Variants in CACNA1H observed in about 807,000 individuals in gnomAD.
The protein encoded by CACNA1H is voltage-dependent T-type calcium channel subunit alpha-1H.
In CACNA1H, 149 loss-of-function variants were observed where a neutral mutation model predicts 192.5. That is an observed-to-expected ratio of 0.77 (90% CI 0.68 to 0.89). The LOEUF is 0.89. Ranked by LOEUF, CACNA1H falls within the 40% of genes least tolerant of loss-of-function variation. The pLI, the probability that CACNA1H is intolerant of heterozygous loss-of-function variation, is 0.00. For synonymous variants in CACNA1H, 2,202 were observed against 1,475.2 expected, an observed-to-expected ratio of 1.49 and a Z score of -11.29; for missense variants, 4,257 against 3,423.5, an observed-to-expected ratio of 1.24 and a Z score of -6.08.
chr16:1,218,652 G>C lies in CACNA1H; in HGVS notation c.5887+1G>C, dbSNP rs1198881040. ...ACCTATGGGGCCGGCACCCCCTTGG[G>C]TATGGTAGCCAGCAGGAAGATATGG... On this transcript the variant is annotated splice_donor_variant, in intron 33 of 34. Coordinates refer to ENST00000348261, the MANE Select transcript of CACNA1H (RefSeq NM_021098.3). LOFTEE classifies it high-confidence loss of function. The C allele has an allele frequency of 6.6e-7, 1 of 1,504,730 alleles. No homozygotes were observed. Among genetic ancestry groups the C allele is most frequent in the Admixed American group, 2.0e-5 (1 of 49,472 alleles). 93.2% of individuals were successfully genotyped at this position (1,504,730 alleles called of 1,614,324 possible). A position where few individuals can be genotyped will look rare whatever the true frequency, so the allele number is the denominator to read the frequency against.
At chr16:1,156,216 G>A (rs974850210) in intron 2 of CACNA1H, among the ~76,000 whole-genome samples, 3 of 152,212 alleles carry the variant, frequency 2.0e-5, no homozygotes, top group African/African-American at 7.2e-5. Context: ...GTGATGGGGG[G>A]TGTCCCCACT....
At position 1,203,582 on chromosome 16, in the gene CACNA1H, G is replaced by A. The variant is rs984476023; in HGVS notation, c.2003-428G>A. ...CACGAACTAGTGGGTTTAGAACAGC[G>A]GAAAATCACTCAGCTCTGGAGGCCA... On this transcript the variant is annotated intron_variant, in intron 9 of 34. Transcript: ENST00000348261. Among the ~76,000 whole-genome samples, 7 of 152,130 alleles carry A rather than the reference G, an allele frequency of 4.6e-5. No homozygotes were observed. In the East Asian group the frequency reaches 7.7e-4, roughly 17 times the overall value.
rs780111233 is a variant in CACNA1H at position 1,216,919 on chromosome 16, C to G, written c.5245-13C>G. The G allele has an allele frequency of 6.3e-7, 1 of 1,596,194 alleles. No homozygotes were observed. The highest frequency in any genetic ancestry group is 1.3e-5 in the African/African-American group (1 of 74,704). On this transcript the variant is annotated splice_polypyrimidine_tract_variant and intron_variant, in intron 30 of 34. Transcript: ENST00000348261. ...CCGCCCGTCTGACCCAGCTCTGCTT[C>G]TCTCTTGTGTAGGTGGGGAACCTGG... is the stretch of plus-strand genomic sequence containing the variant.
At chr16:1,200,182 C>T (rs1432330652) in intron 6 of CACNA1H, 74 bp from the exon 7 acceptor site, 5 of 1,256,476 alleles carry the variant, frequency 4.0e-6, no homozygotes, top group Non-Finnish European at 5.5e-6. Flanking sequence ...CGTCCCTGAT[C>T]ACAATCGTGC....
intron 33 of CACNA1H, 24 bp downstream of exon 33, chr16:1,218,675 T>TGGGCTGG (rs1970233323): frequency 7.8e-7 from 1 of 1,284,276 alleles, no homozygotes; most frequent in Non-Finnish European, 1.0e-6. Flanking sequence ...CAGGAAGATA[T>TGGGCTGG]GGGCTGGGTG....
At chr16:1,199,789 GCCCTCACCCCAGGGCTGCCTCCTTT>G (rs1023699041) in intron 6 of CACNA1H, among the ~76,000 whole-genome samples, 3 of 150,704 alleles carry the variant, frequency 2.0e-5, no homozygotes, top group African/African-American at 4.9e-5. Context: ...GATCCTCTCA[GCCCTCACCCCAGGGCTGCCTCCTTT>G]CCCTCACCCC....
chr16:1,176,442 C>T (rs1964897476), intron 2 of CACNA1H, among the ~76,000 whole-genome samples: 1 of 152,212 alleles, frequency 6.6e-6, no homozygotes. Context: ...AGGGTCTCTG[C>T]ATGGACCCCA....
At chr16:1,186,863 C>T (rs11862531) in intron 2 of CACNA1H, among the ~76,000 whole-genome samples, 11,182 of 152,196 alleles carry the variant, frequency 0.073, 1,115 homozygotes, top group African/African-American at 0.23. Flanking sequence ...CAGGGCGGTC[C>T]GTCCCACTCC....
Position 1,218,059 on chromosome 16 carries a change from C to A in CACNA1H, c.5445+19C>A, listed in dbSNP as rs778344290. 6.3e-7 allele frequency: 1 copy of A among 1,592,166 alleles called. No homozygotes were observed. The highest frequency in any genetic ancestry group is 1.3e-5 in the African/African-American group (1 of 74,662). On this transcript the variant is annotated intron_variant, in intron 32 of 34. Coordinates refer to ENST00000348261, the MANE Select transcript of CACNA1H (RefSeq NM_021098.3). ...CATGAAGGTACCCGCCGCGGCCATG[C>A]CTCTGGCACCTGGCAGCCCCAGCGG...
chr16:1,221,562 C>T lies in CACNA1H; in HGVS notation c.*568C>T, dbSNP rs1435821832. 7 of 540,634 alleles carry T rather than the reference C, an allele frequency of 1.3e-5. No homozygotes were observed. The highest frequency in any genetic ancestry group is 7.2e-5 in the Admixed American group (2 of 27,626). The allele number at this position is 540,634 out of a possible 1,614,324, so 33.5% of individuals were successfully genotyped here. On this transcript the variant is annotated 3_prime_UTR_variant, in exon 35 of 35. Coordinates refer to ENST00000348261, the MANE Select transcript of CACNA1H (RefSeq NM_021098.3). ...GAGAGGTGACACCTCACTAAGGGGC[C>T]GACCCCATGGAGTAACGCGCCCGGC...
intron 2 of CACNA1H, among the ~76,000 whole-genome samples, chr16:1,177,021 C>A (rs940135678): frequency 6.6e-6 from 1 of 152,086 alleles, no homozygotes; most frequent in Non-Finnish European, 1.5e-5. Flanking sequence ...CTCACTCCCT[C>A]CCCCCAGGAG....
rs774549565 is a variant in CACNA1H, at chr16:1,200,342, A to C, written c.890A>C (p.Asn297Thr). ...NPFICSSRRD[N>T]GMQKCSHIPG... ...TTCATCTGCTCCTCACGCCGAGACA[A>C]CGGCATGCAGAAGTGCTCGCACATC... The change falls in exon 7 of 35, where the codon AAC becomes ACC. Residue 297 changes from asparagine (N) to threonine (T), a missense_variant. Physicochemically the swap from Asn to Thr is moderately conservative, Grantham distance 65. Coordinates refer to ENST00000348261, the MANE Select transcript of CACNA1H (RefSeq NM_021098.3). 3.1e-6 allele frequency: 5 copies of C among 1,602,820 alleles called. No homozygotes were observed. The highest frequency in any genetic ancestry group is 4.3e-6 in the Non-Finnish European group (5 of 1,175,444).
Position 1,204,037 on chromosome 16 carries a change from C to G in CACNA1H, c.2030C>G (p.Ser677Trp). Residue 677 changes from serine to tryptophan, a missense_variant, in exon 10 of 35, where the codon TCG (serine) becomes TGG (tryptophan). Transcript: ENST00000348261. ...CTGGGCCAGGCCCCTGGCCATCTGT[C>G]GGGCCTCAGTGTGCCCTGCCCCCTG... ...HGLGQAPGHLSGLSVPCPLPS... is the reference protein window; with the variant it reads ...HGLGQAPGHLWGLSVPCPLPS... 3 of 1,570,902 alleles carry G rather than the reference C, an allele frequency of 1.9e-6. No homozygotes were observed. The highest frequency in any genetic ancestry group is 2.4e-5 in the East Asian group (1 of 42,468).
In CACNA1H at chr16:1,201,767, C is replaced by T. The variant is rs753868121; in HGVS notation, c.1317C>T (p.Arg439=). The change falls in exon 9 of 35, where the codon CGC becomes CGT. Residue 439 remains arginine, a synonymous_variant. Coordinates refer to ENST00000348261, the MANE Select transcript of CACNA1H (RefSeq NM_021098.3). The part of the protein sequence containing the change: ...ESQLMREQRA[R]HLSNDSTLAS... ...AGCTGATGCGGGAGCAGCGGGCACG[C>T]CACCTGTCCAACGACAGCACGCTGG... The T allele has an allele frequency of 3.1e-6, 5 of 1,606,682 alleles. No individual in the cohort carries two copies. The Admixed American group carries it at 5.1e-5, about 16-fold the overall frequency.
At position 1,210,112 on chromosome 16, in the gene CACNA1H, C is replaced by G. The variant is rs1420007497; in HGVS notation, c.3822C>G (p.Leu1274=). ...QWCRSREAWA[L]YLFSPQNRFR... is the part of the protein sequence containing the mutation. Reference sequence around the variant, plus strand: ...GCCGGAGCCGCGAGGCCTGGGCCCTCTACCTCTTCTCCCCACAGAACCGGT... The same window carrying G: ...GCCGGAGCCGCGAGGCCTGGGCCCTGTACCTCTTCTCCCCACAGAACCGGT... The change falls in exon 18 of 35, where the codon CTC becomes CTG. Residue 1274 remains leucine, a synonymous_variant. Coordinates refer to ENST00000348261, the MANE Select transcript of CACNA1H (RefSeq NM_021098.3). 3 of 1,559,342 alleles carry G rather than the reference C, an allele frequency of 1.9e-6. No homozygotes were observed. The highest frequency in any genetic ancestry group is 1.4e-5 in the African/African-American group (1 of 73,272).
intron 23 of CACNA1H, 38 bp from the exon 24 acceptor site, chr16:1,211,678 C>T (rs570153431): frequency 6.2e-7 from 1 of 1,611,918 alleles, no homozygotes; most frequent in Admixed American, 1.7e-5. Context: ...GCGACCCCAG[C>T]TCTAACCCTC....
chr16:1,191,104 G>C (rs1375470173), intron 2 of CACNA1H, among the ~76,000 whole-genome samples: 1 of 114,156 alleles, frequency 8.8e-6, no homozygotes, highest in African/African-American at 3.8e-5. Flanking sequence ...CAGCAGGCTG[G>C]CCTGGCTGTG....
At chr16:1,216,835 G>C (rs998574597) in intron 30 of CACNA1H, 97 bp from the exon 31 acceptor site, 13 of 946,350 alleles carry the variant, frequency 1.4e-5, no homozygotes, top group Non-Finnish European at 2.2e-5. Context: ...AAGGTGGGCA[G>C]GTGGGGTCTG....
intron 9 of CACNA1H, among the ~76,000 whole-genome samples, chr16:1,203,142 C>T (rs1233627357): frequency 1.3e-5 from 2 of 152,100 alleles, no homozygotes; most frequent in African/African-American, 2.4e-5. Flanking sequence ...TGCCCTCATG[C>T]GCTGGTACCC....
Sources: gnomAD v4.1 joint callset for allele counts (sites outside exome capture counted in the v4.1 genomes callset) on GRCh38, gnomAD v4.1.1 for gene constraint, MANE v1.5 for transcripts, NCBI Gene and HGNC (gene_info 2026-07-23, HGNC 2026-07-21) for gene names.